The following TTLL5 variants were observed in gnomAD, a reference collection of about 807,000 sequenced individuals.
TTLL5 encodes the protein tubulin polyglutamylase TTLL5.
In TTLL5, 132 loss-of-function variants were observed where a neutral mutation model predicts 168.4. The ratio of observed to expected loss-of-function variants is 0.78; its 90% CI spans 0.68 to 0.91. TTLL5 has a LOEUF of 0.91. Ranked by LOEUF, TTLL5 falls within the 40% of genes least tolerant of loss-of-function variation. The pLI is 0.00. For missense variants in TTLL5, 1,545 were observed against 1,581.5 expected (o/e 0.98, Z 0.39); for synonymous variants, 546 against 558.6 (o/e 0.98, Z 0.32).
chr14:75,732,660 T>A (rs538038634), intron 13 of TTLL5, among the ~76,000 whole-genome samples: 17 of 152,356 alleles, frequency 1.1e-4, no homozygotes, highest in Admixed American at 1.0e-3. Flanking sequence ...ATTAGGTTTC[T>A]AAGGGATGAT....
chr14:75,872,401 G>A (rs1325660354), intron 29 of TTLL5, among the ~76,000 whole-genome samples: 6 of 152,162 alleles, frequency 3.9e-5, no homozygotes, highest in Non-Finnish European at 7.4e-5. Flanking sequence ...AATAAGAAAG[G>A]CAGCATAGTA....
intron 21 of TTLL5, among the ~76,000 whole-genome samples, chr14:75,773,904 AT>A (rs1226509881): frequency 4.9e-5 from 3 of 61,840 alleles, no homozygotes; most frequent in East Asian, 3.0e-4. Flanking sequence ...AAAAAAAAAA[AT>A]ACATATATAT....
intron 28 of TTLL5, among the ~76,000 whole-genome samples, chr14:75,822,152 A>G (rs1894868690): frequency 6.6e-6 from 1 of 152,220 alleles, no homozygotes; most frequent in African/African-American, 2.4e-5. Flanking sequence ...TGCACAGCCC[A>G]ATGTCCTGGT....
intron 28 of TTLL5, among the ~76,000 whole-genome samples, chr14:75,839,825 G>A (rs1401103439): frequency 6.6e-6 from 1 of 152,160 alleles, no homozygotes; most frequent in Non-Finnish European, 1.5e-5. Context: ...TAGGAATGTT[G>A]AGCATGTTTT....
chr14:75,727,134 G>C (rs905688874), intron 12 of TTLL5, among the ~76,000 whole-genome samples: 1 of 152,160 alleles, frequency 6.6e-6, no homozygotes, highest in Non-Finnish European at 1.5e-5. Flanking sequence ...GGTGGTAAGA[G>C]GTGTGCAGTG....
At chr14:75,910,426 A>G (rs1227727554) in intron 31 of TTLL5, among the ~76,000 whole-genome samples, 1 of 152,240 alleles carries the variant, frequency 6.6e-6, no homozygotes, top group Non-Finnish European at 1.5e-5. Flanking sequence ...GAACTGGGCA[A>G]GTAACCAGCA....
chr14:75,698,128 T>G (rs1885999173), intron 6 of TTLL5, among the ~76,000 whole-genome samples: 1 of 152,224 alleles, frequency 6.6e-6, no homozygotes, highest in African/African-American at 2.4e-5. Context: ...CAGTGCTCTC[T>G]CTCCAGTCTG....
intron 29 of TTLL5, among the ~76,000 whole-genome samples, chr14:75,880,121 G>C (rs2031723600): frequency 6.6e-6 from 1 of 151,944 alleles, no homozygotes; most frequent in Non-Finnish European, 1.5e-5. Flanking sequence ...TTCCAGAATT[G>C]TTCTGTGCAG....
intron 28 of TTLL5, among the ~76,000 whole-genome samples, chr14:75,821,915 G>A (rs568103153): frequency 6.6e-6 from 1 of 152,226 alleles, no homozygotes; most frequent in South Asian, 2.1e-4. Context: ...TCAAACACAA[G>A]AGCCAGTTTT....
At chr14:75,939,731 A>G (rs2034540765) in intron 31 of TTLL5, among the ~76,000 whole-genome samples, 2 of 152,108 alleles carry the variant, frequency 1.3e-5, no homozygotes, top group Admixed American at 1.3e-4. Context: ...TGAAAGTGCT[A>G]TTCTCCTAAT....
intron 12 of TTLL5, among the ~76,000 whole-genome samples, chr14:75,730,951 C>T (rs191311750): frequency 6.6e-6 from 1 of 152,222 alleles, no homozygotes; most frequent in East Asian, 1.9e-4. Context: ...AACTCCTGAC[C>T]TCGTGATCTG....
At chr14:75,827,258 G>A (rs8181990) in intron 28 of TTLL5, among the ~76,000 whole-genome samples, 96,187 of 151,956 alleles carry the variant, frequency 0.63, 33,142 homozygotes, top group Admixed American at 0.75. Context: ...TCAACTGGCC[G>A]TAACTCACGT....
chr14:75,662,343 G>A (rs995891618), intron 1 of TTLL5, among the ~76,000 whole-genome samples: 1 of 121,942 alleles, frequency 8.2e-6, no homozygotes, highest in African/African-American at 3.1e-5. Flanking sequence ...TTTTTTTTTT[G>A]AGACGGAGTT....
At chr14:75,934,762 T>C (rs2034384383) in intron 31 of TTLL5, among the ~76,000 whole-genome samples, 1 of 152,082 alleles carries the variant, frequency 6.6e-6, no homozygotes. Flanking sequence ...CTGAAGACAA[T>C]CTTGGCTGAT....
chr14:75,890,107 G>A (rs2032327045), intron 30 of TTLL5, among the ~76,000 whole-genome samples: 3 of 152,292 alleles, frequency 2.0e-5, no homozygotes, highest in African/African-American at 7.2e-5. Flanking sequence ...GTTTTGGAAA[G>A]ACCCATGAGG....
intron 27 of TTLL5, among the ~76,000 whole-genome samples, chr14:75,811,111 A>G (rs1595079696): frequency 1.7e-5 from 1 of 59,026 alleles, no homozygotes; most frequent in African/African-American, 7.1e-5. Flanking sequence ...AGGGGGTGGG[A>G]GGGAGAAATA....
At chr14:75,853,507 G>A (rs569329752) in intron 28 of TTLL5, among the ~76,000 whole-genome samples, 92 of 152,202 alleles carry the variant, frequency 6.0e-4, no homozygotes, top group Non-Finnish European at 7.6e-4. Flanking sequence ...CCTAGGAACA[G>A]TGTCCAATAA....
At chr14:75,863,951 A>G in intron 29 of TTLL5, 89 bp downstream of exon 29, 1 of 1,262,356 alleles carries the variant, frequency 7.9e-7, no homozygotes. Flanking sequence ...TGAATGAGAA[A>G]TGTAGGATTA....
intron 31 of TTLL5, among the ~76,000 whole-genome samples, chr14:75,917,488 C>T (rs953204480): frequency 3.9e-5 from 6 of 152,220 alleles, no homozygotes; most frequent in Non-Finnish European, 7.3e-5. Flanking sequence ...CTGTGGCCTC[C>T]GCCTCCCTGC....
Sources: allele counts gnomAD v4.1 joint callset (sites outside exome capture counted in the v4.1 genomes callset), GRCh38; gene constraint gnomAD v4.1.1; transcripts MANE v1.5; gene names NCBI Gene and HGNC (gene_info 2026-07-23, HGNC 2026-07-21).